Variants in SAMD13 observed in about 807,000 individuals in gnomAD.
SAMD13 encodes sterile alpha motif domain-containing protein 13.
In SAMD13, 9 loss-of-function variants were observed where a neutral mutation model predicts 12.4. That is an observed-to-expected ratio of 0.72 (90% CI 0.44 to 1.26). The LOEUF is 1.26. SAMD13 is among the 50% of genes most tolerant of loss of function. SAMD13 has a pLI of 0.00. For synonymous variants in SAMD13, 46 were observed against 45.4 expected (o/e 1.01, Z -0.05); for missense variants, 84 against 119.6 (o/e 0.70, Z 1.39).
chr1:84,337,994 C>T lies in SAMD13; in HGVS notation c.166-11637C>T, dbSNP rs1001988241. 1.1e-4 allele frequency among the ~76,000 whole-genome samples: 16 copies of T among 152,270 alleles called. 1 individual carries two copies. The highest frequency in any genetic ancestry group is 3.8e-4 in the African/African-American group (16 of 41,562). ...CAAGAGTCACCTTTGCTCTAGTTCC[C>T]AACAAGTTCCTCATCTCCATCTGAG... On this transcript the variant is annotated intron_variant, in intron 3 of 3. Transcript: ENST00000394834.
intron 2 of SAMD13, among the ~76,000 whole-genome samples, chr1:84,315,141 C>T (rs1400049282): frequency 1.3e-5 from 2 of 151,670 alleles, no homozygotes; most frequent in Admixed American, 1.3e-4. Flanking sequence ...TTTAAGTGTA[C>T]GATACAGTAT....
intron 3 of SAMD13, among the ~76,000 whole-genome samples, chr1:84,345,862 A>G (rs1175560707): frequency 6.6e-6 from 1 of 152,132 alleles, no homozygotes; most frequent in African/African-American, 2.4e-5. Flanking sequence ...TAAAATTTAT[A>G]CATATTTTTT....
At chr1:84,324,413 C>G (rs1209791019) in intron 2 of SAMD13, among the ~76,000 whole-genome samples, 1 of 152,164 alleles carries the variant, frequency 6.6e-6, no homozygotes, top group Admixed American at 6.5e-5. Flanking sequence ...TCTTTTAGAT[C>G]GTACCTGAAA....
At chr1:84,310,320 G>A (rs572976479) in intron 2 of SAMD13, among the ~76,000 whole-genome samples, 15 of 151,860 alleles carry the variant, frequency 9.9e-5, no homozygotes, top group South Asian at 4.2e-4. Context: ...AATTGTCTTT[G>A]GCCACAGATG....
chr1:84,329,082 G>A (rs1360784541), intron 3 of SAMD13, among the ~76,000 whole-genome samples: 1 of 152,062 alleles, frequency 6.6e-6, no homozygotes, highest in Non-Finnish European at 1.5e-5. Context: ...TCTTTGGGAG[G>A]TAATTAGGTT....
chr1:84,318,618 C>T (rs1678881978), intron 2 of SAMD13, among the ~76,000 whole-genome samples: 1 of 152,110 alleles, frequency 6.6e-6, no homozygotes, highest in Admixed American at 6.6e-5. Context: ...GTTAGGTTCA[C>T]TTGGTCTACA....
At chr1:84,328,603 A>T (rs978395208) in intron 3 of SAMD13, among the ~76,000 whole-genome samples, 9 of 152,156 alleles carry the variant, frequency 5.9e-5, no homozygotes, top group African/African-American at 2.2e-4. Context: ...TGTGATATTC[A>T]TGAGGACTGA....
rs35631685 is a variant in SAMD13 at position 84,313,471 on chromosome 1, A to AT, written c.53+10192dup. Among the ~76,000 whole-genome samples, 32 of 152,082 alleles carry AT rather than the reference A, an allele frequency of 2.1e-4. 1 individual carries two copies. The South Asian group carries it at 6.0e-3, about 29-fold the overall frequency. On this transcript the variant is annotated intron_variant, in intron 2 of 3. Coordinates refer to ENST00000394834, the MANE Select transcript of SAMD13 (RefSeq NM_001134663.2). ...TATATATTCAAATCATGAGAATTCA[A>AT]TTTTTTTTCCCCATTTGCTTAGTCT...
chr1:84,334,379 ATT>A (rs1679253487), intron 3 of SAMD13, among the ~76,000 whole-genome samples: 1 of 151,990 alleles, frequency 6.6e-6, no homozygotes, highest in Non-Finnish European at 1.5e-5. Flanking sequence ...TTTAAAAAAT[ATT>A]TCTATGGGGT....
intron 2 of SAMD13, among the ~76,000 whole-genome samples, chr1:84,311,490 G>T (rs1453183584): frequency 6.6e-6 from 1 of 152,174 alleles, no homozygotes; most frequent in East Asian, 1.9e-4. Context: ...AAAGAACACA[G>T]ATTATTACAT....
chr1:84,302,805 A>C, intron 1 of SAMD13: 18 of 275,112 alleles, frequency 6.5e-5, no homozygotes, highest in Non-Finnish European at 9.1e-5. Flanking sequence ...GAAAAAACAA[A>C]TCAAAGCCCA....
rs961267942 is a variant in SAMD13, at chr1:84,349,826, A to G, written c.*52A>G. ...CAAAAAATACATAATGACATAATTT[A>G]GTTTCATGTAATGAAACTTTGTAAA... On this transcript the variant is annotated 3_prime_UTR_variant, in exon 4 of 4. Coordinates refer to ENST00000394834, the MANE Select transcript of SAMD13 (RefSeq NM_001134663.2). 6.4e-6 allele frequency: 10 copies of G among 1,569,494 alleles called. No homozygotes were observed. In the Admixed American group the frequency reaches 7.7e-5, roughly 12 times the overall value.
At chr1:84,314,807 A>C (rs1031578316) in intron 2 of SAMD13, among the ~76,000 whole-genome samples, 2 of 152,164 alleles carry the variant, frequency 1.3e-5, no homozygotes, top group African/African-American at 4.8e-5. Flanking sequence ...CTGTCAGAAA[A>C]TGAAAAGAAA....
intron 2 of SAMD13, chr1:84,303,559 A>G (rs1410950068): frequency 1.1e-5 from 3 of 275,926 alleles, no homozygotes; most frequent in Non-Finnish European, 2.2e-5. Flanking sequence ...TCAGCCCTGC[A>G]TTCTGTATAT....
At chr1:84,342,017 A>T (rs1026719373) in intron 3 of SAMD13, among the ~76,000 whole-genome samples, 3 of 152,298 alleles carry the variant, frequency 2.0e-5, no homozygotes, top group Admixed American at 6.5e-5. Flanking sequence ...CCTTGTTATC[A>T]GTTAAATAGC....
intron 3 of SAMD13, among the ~76,000 whole-genome samples, chr1:84,326,678 T>G (rs1679067661): frequency 1.3e-5 from 2 of 152,196 alleles, no homozygotes; most frequent in African/African-American, 4.8e-5. Flanking sequence ...TACATTTTCT[T>G]TTCTAATATC....
At chr1:84,341,166 C>A (rs991028365) in intron 3 of SAMD13, among the ~76,000 whole-genome samples, 2 of 152,158 alleles carry the variant, frequency 1.3e-5, no homozygotes, top group Admixed American at 1.3e-4. Context: ...GCAGGTTGGT[C>A]ATATCTAACC....
chr1:84,304,468 T>G (rs1012459160), intron 2 of SAMD13, among the ~76,000 whole-genome samples: 15 of 152,196 alleles, frequency 9.9e-5, no homozygotes, highest in Admixed American at 5.9e-4. Context: ...ACTGAACTTT[T>G]AATTTTACTT....
chr1:84,314,518 T>C (rs1219655797), intron 2 of SAMD13, among the ~76,000 whole-genome samples: 1 of 152,176 alleles, frequency 6.6e-6, no homozygotes, highest in Non-Finnish European at 1.5e-5. Context: ...TTTAGCTTGC[T>C]AGGTAGTTTC....
Sources: allele counts gnomAD v4.1 joint callset (sites outside exome capture counted in the v4.1 genomes callset), GRCh38; gene constraint gnomAD v4.1.1; transcripts MANE v1.5; gene names NCBI Gene and HGNC (gene_info 2026-07-23, HGNC 2026-07-21).